Variants in LTBP1 observed in about 807,000 individuals in gnomAD.
LTBP1 encodes the protein latent-transforming growth factor beta-binding protein 1.
LTBP1 carries 129 observed loss-of-function variants against 207.6 expected under a neutral mutation model. The observed-to-expected ratio is 0.62, with a 90% CI of 0.54 to 0.72. The LOEUF (loss-of-function observed/expected upper bound fraction) is 0.72, where lower values mean the gene tolerates loss of function less well. Among genes scored for constraint, LTBP1 ranks in the 30% least tolerant of loss-of-function variants. The probability of loss-of-function intolerance (pLI) is 0.00; values close to 1 mark genes in which losing one functional copy is unlikely to be tolerated. For missense variants in LTBP1, 2,281 were observed against 2,217.2 expected (o/e 1.03, Z -0.58); for synonymous variants, 963 against 833.7 (o/e 1.16, Z -2.67).
chr2:33,032,135 A>C (rs908352747), intron 3 of LTBP1, among the ~76,000 whole-genome samples: 8 of 152,160 alleles, frequency 5.3e-5, no homozygotes, highest in Admixed American at 5.2e-4. Context: ...CTCTCTACCT[A>C]TGTTAAATGG....
chr2:33,021,683 C>G (rs1311793745), intron 3 of LTBP1, among the ~76,000 whole-genome samples: 1 of 152,174 alleles, frequency 6.6e-6, no homozygotes, highest in South Asian at 2.1e-4. Flanking sequence ...ATTTCTCAAC[C>G]TCAGTAGCAG....
intron 9 of LTBP1, among the ~76,000 whole-genome samples, chr2:33,234,472 AT>A (rs375338299): frequency 1.1e-4 from 17 of 152,308 alleles, no homozygotes; most frequent in African/African-American, 3.6e-4. Flanking sequence ...CCCAGTCACA[AT>A]TGCTACAAAG....
intron 9 of LTBP1, among the ~76,000 whole-genome samples, chr2:33,239,902 TTAAATAAATAAATAAA>T (rs56284447): frequency 6.9e-6 from 1 of 144,170 alleles, no homozygotes; most frequent in African/African-American, 2.6e-5. Flanking sequence ...AGACTCCATC[TTAAATAAATAAATAAA>T]TAAATAAATA....
At chr2:33,268,139 A>C (rs991628876) in intron 15 of LTBP1, among the ~76,000 whole-genome samples, 2 of 152,248 alleles carry the variant, frequency 1.3e-5, no homozygotes, top group Admixed American at 6.5e-5. Context: ...TTAGAGCTAC[A>C]CTATACATAG....
At chr2:33,262,686 T>A in intron 13 of LTBP1, 36 bp from the exon 14 acceptor site, 3 of 1,106,330 alleles carry the variant, frequency 2.7e-6, no homozygotes, top group Non-Finnish European at 4.0e-6. Flanking sequence ...CAATTCTTTT[T>A]TTTTTCTTAT....
chr2:33,312,718 C>T (rs918147141), intron 23 of LTBP1, among the ~76,000 whole-genome samples: 9 of 152,066 alleles, frequency 5.9e-5, no homozygotes, highest in African/African-American at 9.7e-5. Flanking sequence ...CTTCAGTTCC[C>T]GTCATCAAAC....
At chr2:33,309,308 T>G in intron 22 of LTBP1, 126 bp from the exon 23 acceptor site, 2 of 615,532 alleles carry the variant, frequency 3.2e-6, no homozygotes, top group Non-Finnish European at 5.1e-6. Flanking sequence ...GTTAAAAAGT[T>G]GTCATGTATT....
intron 25 of LTBP1, among the ~76,000 whole-genome samples, chr2:33,346,168 A>G (rs954470303): frequency 2.0e-5 from 3 of 152,214 alleles, no homozygotes; most frequent in Non-Finnish European, 2.9e-5. Context: ...TATTGGACCA[A>G]TTTGTTTCAC....
At chr2:33,290,020 A>G (rs1311936399) in intron 19 of LTBP1, among the ~76,000 whole-genome samples, 1 of 152,142 alleles carries the variant, frequency 6.6e-6, no homozygotes, top group African/African-American at 2.4e-5. Context: ...GAGACTGGCA[A>G]ATTCAAGATC....
intron 3 of LTBP1, among the ~76,000 whole-genome samples, chr2:33,075,039 A>G (rs1037993324): frequency 3.3e-5 from 5 of 152,240 alleles, no homozygotes; most frequent in Admixed American, 6.5e-5. Flanking sequence ...TGACAAAGTG[A>G]GACTCCGTCT....
chr2:33,007,535 C>T (rs1056699733), intron 2 of LTBP1, among the ~76,000 whole-genome samples: 2 of 152,174 alleles, frequency 1.3e-5, no homozygotes, highest in Admixed American at 1.3e-4. Flanking sequence ...ATGCTGCTGG[C>T]TGTCATTTTG....
chr2:32,982,953 G>C (rs1682997173), intron 2 of LTBP1, among the ~76,000 whole-genome samples: 1 of 152,192 alleles, frequency 6.6e-6, no homozygotes, highest in African/African-American at 2.4e-5. Context: ...GTCACCACTG[G>C]GGCATTGCCT....
Position 33,315,208 on chromosome 2 carries a change from T to C in LTBP1, c.3669T>C (p.Gly1223=). 5.6e-6 allele frequency: 9 copies of C among 1,613,612 alleles called. No individual in the cohort carries two copies. Among genetic ancestry groups the C allele is most frequent in the Non-Finnish European group, 7.6e-6 (9 of 1,179,784 alleles). Residue 1223 remains glycine (G), a synonymous_variant, in exon 24 of 34, where the codon GGT becomes GGC. Transcript: ENST00000404816. ...GPQGECLNTE[G]SFHCVCQQGF... is the part of the protein sequence containing the mutation. The stretch of plus-strand genomic sequence containing the variant: ...AAGGGGAGTGCCTAAACACAGAGGG[T>C]TCTTTCCATTGTGTCTGCCAGCAGG...
chr2:33,336,637 A>G (rs930494537), intron 24 of LTBP1, among the ~76,000 whole-genome samples: 13 of 152,126 alleles, frequency 8.5e-5, no homozygotes, highest in Non-Finnish European at 1.8e-4. Flanking sequence ...TGACACCCCC[A>G]TTCCCACTAT....
At chr2:33,020,851 A>G (rs1042184107) in intron 2 of LTBP1, 58 bp from the exon 3 acceptor site, 3 of 1,480,952 alleles carry the variant, frequency 2.0e-6, no homozygotes, top group Non-Finnish European at 2.7e-6. Context: ...CCTTTGGAAA[A>G]ATTAGGAAGT....
intron 2 of LTBP1, among the ~76,000 whole-genome samples, chr2:33,009,093 A>G (rs543798222): frequency 6.6e-6 from 1 of 152,266 alleles, no homozygotes; most frequent in Admixed American, 6.5e-5. Flanking sequence ...GCAGAGGAGT[A>G]ATGTCATCTG....
At chr2:33,242,685 T>TA (rs200164588) in intron 9 of LTBP1, among the ~76,000 whole-genome samples, 2,452 of 138,230 alleles carry the variant, frequency 0.018, 28 homozygotes, top group Middle Eastern at 0.09. Flanking sequence ...CAGTTGTTCT[T>TA]AAAAAAAAAA....
chr2:33,367,765 G>T (rs1020538150), intron 31 of LTBP1, among the ~76,000 whole-genome samples: 1 of 152,140 alleles, frequency 6.6e-6, no homozygotes, highest in African/African-American at 2.4e-5. Context: ...ATATGTGGAG[G>T]TTCATTGCAG....
At chr2:33,087,693 G>C (rs2149977575) in intron 3 of LTBP1, among the ~76,000 whole-genome samples, 1 of 152,292 alleles carries the variant, frequency 6.6e-6, no homozygotes, top group African/African-American at 2.4e-5. Context: ...CTTTCAGAAA[G>C]CTGACCAGAA....
Sources: allele counts gnomAD v4.1 joint callset (sites outside exome capture counted in the v4.1 genomes callset), GRCh38; gene constraint gnomAD v4.1.1; transcripts MANE v1.5; gene names NCBI Gene and HGNC (gene_info 2026-07-23, HGNC 2026-07-21).